The following PCDH9 variants were observed in gnomAD, a reference collection of about 807,000 sequenced individuals.
PCDH9 encodes the protein protocadherin-9.
PCDH9 carries 24 observed loss-of-function variants against 70.6 expected under a neutral mutation model. The observed-to-expected ratio is 0.34, with a 90% CI of 0.25 to 0.48. PCDH9 has a LOEUF of 0.48. PCDH9 is among the 20% of genes least tolerant of loss of function. The probability of loss-of-function intolerance (pLI) is 0.99; values close to 1 mark genes in which losing one functional copy is unlikely to be tolerated. For missense variants in PCDH9, 1,281 were observed against 1,503.6 expected, an observed-to-expected ratio of 0.85 and a Z score of 2.45; for synonymous variants, 562 against 558.5, an observed-to-expected ratio of 1.01 and a Z score of -0.09.
intron 3 of PCDH9, among the ~76,000 whole-genome samples, chr13:66,881,421 C>T (rs2081919904): frequency 2.0e-5 from 3 of 152,080 alleles, no homozygotes; most frequent in Non-Finnish European, 4.4e-5. Flanking sequence ...TTTTTAAAAC[C>T]ATCAGATCTT....
chr13:67,028,474 C>G (rs565952394), intron 2 of PCDH9, among the ~76,000 whole-genome samples: 4 of 150,528 alleles, frequency 2.7e-5, no homozygotes, highest in South Asian at 2.1e-4. Flanking sequence ...TGCTAGATGA[C>G]GAGTTAATGG....
intron 2 of PCDH9, among the ~76,000 whole-genome samples, chr13:67,140,025 A>AACCCC (rs2087335615): frequency 1.5e-5 from 1 of 65,938 alleles, no homozygotes; most frequent in Non-Finnish European, 2.8e-5. Context: ...TTTTTTGATC[A>AACCCC]CCCCCCCCCC....
Position 66,761,127 on chromosome 13 carries a change from C to A in PCDH9, c.3139-129716G>T, listed in dbSNP as rs572682702. 1.1e-4 allele frequency among the ~76,000 whole-genome samples: 16 copies of A among 152,080 alleles called. No individual in the cohort carries two copies. The East Asian group carries it at 1.4e-3, about 13-fold the overall frequency. ...CTTGGAAGCATGTGATCTCTGCGAC[C>A]CACACCCTATTCGTACACTCCCTCC... On this transcript the variant is annotated intron_variant, in intron 3 of 4. Coordinates refer to ENST00000377865, the MANE Select transcript of PCDH9 (RefSeq NM_203487.3).
intron 2 of PCDH9, among the ~76,000 whole-genome samples, chr13:66,906,563 C>T (rs1259874469): frequency 6.6e-6 from 1 of 152,058 alleles, no homozygotes; most frequent in Non-Finnish European, 1.5e-5. Flanking sequence ...TTAAGTCCTT[C>T]CATCCCTAAA....
At chr13:66,644,253 C>T (rs1309060004) in intron 3 of PCDH9, among the ~76,000 whole-genome samples, 18 of 151,674 alleles carry the variant, frequency 1.2e-4, no homozygotes, top group Admixed American at 1.2e-3. Context: ...GATAAGTTAA[C>T]ACTAACATTA....
chr13:67,013,731 A>C (rs1006959128), intron 2 of PCDH9, among the ~76,000 whole-genome samples: 12 of 152,044 alleles, frequency 7.9e-5, no homozygotes, highest in African/African-American at 2.9e-4. Flanking sequence ...AACAAAAAAA[A>C]ATCAAAGATT....
At chr13:66,756,688 T>G (rs1322908868) in intron 3 of PCDH9, among the ~76,000 whole-genome samples, 1 of 152,112 alleles carries the variant, frequency 6.6e-6, no homozygotes, top group African/African-American at 2.4e-5. Context: ...GACAAGGAGA[T>G]AGTGTTGATA....
chr13:66,670,912 TAAAAAA>T (rs35287889), intron 3 of PCDH9, among the ~76,000 whole-genome samples: 3 of 120,214 alleles, frequency 2.5e-5, no homozygotes, highest in African/African-American at 6.1e-5. Flanking sequence ...TGTTCTTATT[TAAAAAA>T]AAAAAAAAAA....
intron 3 of PCDH9, among the ~76,000 whole-genome samples, chr13:66,883,104 T>C (rs1238647566): frequency 2.0e-5 from 3 of 152,182 alleles, no homozygotes; most frequent in Non-Finnish European, 2.9e-5. Flanking sequence ...TCACCACCCC[T>C]TGAAGCCCTG....
intron 3 of PCDH9, among the ~76,000 whole-genome samples, chr13:66,736,365 T>C (rs2079148815): frequency 1.3e-5 from 2 of 152,118 alleles, no homozygotes; most frequent in South Asian, 2.1e-4. Context: ...GGACACCAGG[T>C]ATGCACATTC....
At chr13:66,892,874 C>T (rs1343278463) in intron 3 of PCDH9, among the ~76,000 whole-genome samples, 1 of 152,018 alleles carries the variant, frequency 6.6e-6, no homozygotes, top group East Asian at 1.9e-4. Context: ...ACAAGCACAC[C>T]TTTGATATCA....
chr13:66,386,648 A>G (rs960135881), intron 4 of PCDH9, among the ~76,000 whole-genome samples: 7 of 152,168 alleles, frequency 4.6e-5, no homozygotes, highest in African/African-American at 1.4e-4. Context: ...TCCAAAAGTT[A>G]TGGGGTCCAT....
In PCDH9 at chr13:66,778,040, C is replaced by A. The variant is rs938336639; in HGVS notation, c.3138+125464G>T. Among the ~76,000 whole-genome samples the A allele has an allele frequency of 1.3e-4, 20 of 149,254 alleles. No individual in the cohort carries two copies. In the East Asian group the frequency reaches 2.4e-3, roughly 18 times the overall value. On this transcript the variant is annotated intron_variant, in intron 3 of 4. Transcript: ENST00000377865. ...AGTAAACTATCGCAAGAACAAAAAA[C>A]CAAGCACTGCATATTCTCACTCATA...
intron 2 of PCDH9, among the ~76,000 whole-genome samples, chr13:67,021,150 C>T (rs1318533124): frequency 6.6e-6 from 1 of 152,070 alleles, no homozygotes; most frequent in African/African-American, 2.4e-5. Flanking sequence ...CATAAGTTAC[C>T]CAATACAGAC....
intron 2 of PCDH9, among the ~76,000 whole-genome samples, chr13:67,065,206 C>T (rs2085622913): frequency 6.6e-6 from 1 of 152,010 alleles, no homozygotes; most frequent in Non-Finnish European, 1.5e-5. Flanking sequence ...TAAATGGTGA[C>T]AAATCAAACT....
At chr13:66,316,442 A>G (rs1955652620) in intron 4 of PCDH9, among the ~76,000 whole-genome samples, 1 of 152,184 alleles carries the variant, frequency 6.6e-6, no homozygotes, top group Admixed American at 6.5e-5. Context: ...AGAGCCTCTC[A>G]TGATCTGGTT....
chr13:66,759,892 T>C (rs1180130652), intron 3 of PCDH9, among the ~76,000 whole-genome samples: 1 of 152,164 alleles, frequency 6.6e-6, no homozygotes, highest in Non-Finnish European at 1.5e-5. Flanking sequence ...ATCACCATTA[T>C]AGTATTAGAA....
At chr13:67,041,850 A>G (rs1258460098) in intron 2 of PCDH9, among the ~76,000 whole-genome samples, 1 of 151,560 alleles carries the variant, frequency 6.6e-6, no homozygotes, top group African/African-American at 2.4e-5. Flanking sequence ...AAAAAAAAGA[A>G]AAAAGAAATA....
intron 3 of PCDH9, among the ~76,000 whole-genome samples, chr13:66,681,833 C>A (rs891603780): frequency 3.3e-5 from 5 of 151,674 alleles, no homozygotes; most frequent in Non-Finnish European, 7.4e-5. Context: ...CTGTTCTATT[C>A]CAGAGGAAGT....
Sources: gnomAD v4.1 joint callset for allele counts (sites outside exome capture counted in the v4.1 genomes callset) on GRCh38, gnomAD v4.1.1 for gene constraint, MANE v1.5 for transcripts, NCBI Gene and HGNC (gene_info 2026-07-23, HGNC 2026-07-21) for gene names.